Variants in SLC27A5 observed in about 807,000 individuals in gnomAD.
The protein encoded by SLC27A5 is solute carrier family 27 member 5.
In SLC27A5, 47 loss-of-function variants were observed where a neutral mutation model predicts 63.1. The ratio of observed to expected loss-of-function variants is 0.74; its 90% CI spans 0.59 to 0.95. The LOEUF is 0.95. Ranked by LOEUF, SLC27A5 falls within the 40% of genes least tolerant of loss-of-function variation. SLC27A5 has a pLI of 0.00. For missense variants in SLC27A5, 940 were observed against 921.0 expected, an observed-to-expected ratio of 1.02 and a Z score of -0.27; for synonymous variants, 391 against 403.8, an observed-to-expected ratio of 0.97 and a Z score of 0.38.
chr19:58,501,568 G>C (rs2053274524), intron 3 of SLC27A5, among the ~76,000 whole-genome samples, 158 bp from the exon 4 acceptor site: 1 of 151,990 alleles, frequency 6.6e-6, no homozygotes, highest in South Asian at 2.1e-4. Context: ...GCTCTCACTA[G>C]AAGAGCATAG....
At chr19:58,499,728 C>T in intron 6 of SLC27A5, 38 bp from the exon 7 acceptor site, 1 of 1,594,814 alleles carries the variant, frequency 6.3e-7, no homozygotes, top group Non-Finnish European at 8.5e-7. Flanking sequence ...CTGGAGCCCA[C>T]CAGCCAAGCC....
rs945388418 is a variant in SLC27A5, at chr19:58,499,539, G to C, written c.1620C>G (p.Asp540Glu). ...YYNTGDVLAM[D>E]REGFLYFRDR... ...CGCGGAAGTAGAGGAAGCCTTCGCG[G>C]TCCATGGCCAGTACGTCCCCGGTGT... Residue 540 changes from aspartate to glutamate, a missense_variant, in exon 7 of 10, where the codon GAC becomes GAG. Coordinates refer to ENST00000263093, the MANE Select transcript of SLC27A5 (RefSeq NM_012254.3). 1.2e-6 allele frequency: 2 copies of C among 1,613,056 alleles called. No individual in the cohort carries two copies. Among genetic ancestry groups the C allele is most frequent in the African/African-American group, 2.7e-5 (2 of 74,910 alleles).
At chr19:58,511,190 GC>G in intron 1 of SLC27A5, 77 bp downstream of exon 1, 1 of 1,428,512 alleles carries the variant, frequency 7.0e-7, no homozygotes, top group Non-Finnish European at 9.3e-7. Context: ...AAGGGCCTCT[GC>G]CAGTCCCAGC....
intron 1 of SLC27A5, 40 bp from the exon 2 acceptor site, chr19:58,510,970 A>C: frequency 5.5e-5 from 82 of 1,502,726 alleles, no homozygotes; most frequent in Non-Finnish European, 6.8e-5. Flanking sequence ...GGCAAGGCTC[A>C]CCTTTGAGGT....
At position 58,500,522 on chromosome 19, in the gene SLC27A5, C is replaced by A. The variant is rs539348797; in HGVS notation, c.1367G>T (p.Cys456Phe). ...TACCCGCACACTCACTCGGAGGAGGCAGCTCATCTTGCCCAGGGCCCCGCA... is the reference window on the plus strand; with the variant it reads ...TACCCGCACACTCACTCGGAGGAGGAAGCTCATCTTGCCCAGGGCCCCGCA... ...GRCGALGKMS[C>F]LLRMLSPFEL... The change falls in exon 5 of 10, where the codon TGC (cysteine) becomes TTC (phenylalanine). Residue 456 changes from cysteine (C) to phenylalanine (F), a missense_variant. Coordinates refer to ENST00000263093, the MANE Select transcript of SLC27A5 (RefSeq NM_012254.3). 6.2e-7 allele frequency: 1 copy of A among 1,614,014 alleles called. No individual in the cohort carries two copies. Among genetic ancestry groups the A allele is most frequent in the African/African-American group, 1.3e-5 (1 of 75,030 alleles).
chr19:58,511,480 A>G lies in SLC27A5; in HGVS notation c.476T>C (p.Leu159Pro). The change falls in exon 1 of 10, where the codon CTG (leucine) becomes CCG (proline). Residue 159 changes from leucine (L) to proline (P), a missense_variant. Transcript: ENST00000263093. ...DARACQAAWALKAELGDPASL... is the reference protein window; with the variant it reads ...DARACQAAWAPKAELGDPASL... ...CGCAGGGTCACCCAGCTCAGCCTTC[A>G]GGGCCCATGCCGCCTGGCAGGCCCG... 1 of 1,581,684 alleles carries G rather than the reference A, an allele frequency of 6.3e-7. No individual in the cohort carries two copies. The highest frequency in any genetic ancestry group is 8.6e-7 in the Non-Finnish European group (1 of 1,164,398).
chr19:58,500,708 T>C lies in SLC27A5; in HGVS notation c.1183-2A>G, dbSNP rs1480351120. On this transcript the variant is annotated splice_acceptor_variant, in intron 4 of 9. Transcript: ENST00000263093. LOFTEE classifies it high-confidence loss of function. ...TGTATGTGTCCGGTCCTCTGGTTGC[T>C]ACAGGAATGTCCCCAGAAGGGTGAG... 10 of 1,611,556 alleles carry C rather than the reference T, an allele frequency of 6.2e-6. No homozygotes were observed. Among genetic ancestry groups the C allele is most frequent in the Non-Finnish European group, 7.6e-6 (9 of 1,178,028 alleles).
Position 58,511,289 on chromosome 19 carries a change from G to A in SLC27A5, c.667C>T (p.Arg223Trp), listed in dbSNP as rs754421112. ...TCACCTGGGTCCACCACCAGCACCCGGGCCCCAGAGCTCAGCACAGAGTGC... is the reference window on the plus strand; with the variant it reads ...TCACCTGGGTCCACCACCAGCACCCAGGCCCCAGAGCTCAGCACAGAGTGC... ...LAHSVLSSGA[R>W]VLVVDPDLRE... The change falls in exon 1 of 10, where the codon CGG becomes TGG. Residue 223 changes from arginine (R) to tryptophan (W), a missense_variant. By Grantham distance (101) the Arg-to-Trp change is moderately radical (BLOSUM62 -3). Coordinates refer to ENST00000263093, the MANE Select transcript of SLC27A5 (RefSeq NM_012254.3). The A allele has an allele frequency of 1.0e-5, 16 of 1,550,876 alleles. No individual in the cohort carries two copies. The highest frequency in any genetic ancestry group is 3.7e-5 in the Admixed American group (2 of 53,558).
chr19:58,511,695 C>A lies in SLC27A5; in HGVS notation c.261G>T (p.Leu87=). The stretch of plus-strand genomic sequence containing the variant: ...TGGCCAAGAAGATCACATCAGCCGG[C>A]AGCCAGCGTAGTCCTGGGGGCAGCC... ...PARLPPGLRW[L]PADVIFLAKI... Residue 87 remains leucine, a synonymous_variant, in exon 1 of 10, where the codon CTG becomes CTT. Transcript: ENST00000263093. 2 of 1,568,116 alleles carry A rather than the reference C, an allele frequency of 1.3e-6. No individual in the cohort carries two copies. The highest frequency in any genetic ancestry group is 1.7e-6 in the Non-Finnish European group (2 of 1,156,240).
chr19:58,499,261 A>G lies in SLC27A5; in HGVS notation c.1668-41T>C, dbSNP rs557646367. The G allele has an allele frequency of 1.2e-4, 195 of 1,586,680 alleles. 8 individuals carry two copies. The South Asian group carries it at 2.0e-3, about 16-fold the overall frequency. ...CGGCGCTTGTGACCACGCCCCCGGG[A>G]AGGAGAGGCCCCGCCTCTTGCCCCC... On this transcript the variant is annotated intron_variant, in intron 7 of 9. Transcript: ENST00000263093.
In SLC27A5 at chr19:58,511,440, C is replaced by T; in HGVS notation, c.516G>A (p.Gly172=). The part of the protein sequence containing the change: ...ELGDPASLCA[G]EPTALLVLAS... ...CCAGCACAAGGAGGGCAGTAGGCTC[C>T]CCGGCACACAGGCTCGCAGGGTCAC... Residue 172 remains glycine, a synonymous_variant, in exon 1 of 10, where the codon GGG becomes GGA. Coordinates refer to ENST00000263093, the MANE Select transcript of SLC27A5 (RefSeq NM_012254.3). The T allele has an allele frequency of 6.2e-7, 1 of 1,602,244 alleles. No individual in the cohort carries two copies. Among genetic ancestry groups the T allele is most frequent in the Non-Finnish European group, 8.5e-7 (1 of 1,174,780 alleles).
At chr19:58,500,940 C>T in intron 4 of SLC27A5, 3 of 1,378,008 alleles carry the variant, frequency 2.2e-6, no homozygotes, top group Non-Finnish European at 2.8e-6. Flanking sequence ...GGGACGTTAC[C>T]AGAGGTGACT....
chr19:58,498,455 G>A lies in SLC27A5; in HGVS notation c.*60C>T. 1 of 1,515,458 alleles carries A rather than the reference G, an allele frequency of 6.6e-7. No homozygotes were observed. Among genetic ancestry groups the A allele is most frequent in the Non-Finnish European group, 8.9e-7 (1 of 1,117,514 alleles). 93.9% of individuals were successfully genotyped at this position (1,515,458 alleles called of 1,614,324 possible). On this transcript the variant is annotated 3_prime_UTR_variant, in exon 10 of 10. Coordinates refer to ENST00000263093, the MANE Select transcript of SLC27A5 (RefSeq NM_012254.3). ...ACAGGCCCAGGATGAAAGGGACACC[G>A]AGTGTGTTGGGGTGGGGGTGGCTGG...
In SLC27A5 at chr19:58,499,647, G is replaced by T; in HGVS notation, c.1512C>A (p.Pro504=). 1 of 1,612,154 alleles carries T rather than the reference G, an allele frequency of 6.2e-7. No individual in the cohort carries two copies. The change falls in exon 7 of 10, where the codon CCC becomes CCA. Residue 504 remains proline, a synonymous_variant. Transcript: ENST00000263093. The stretch of plus-strand genomic sequence containing the variant: ...CTCGGGGGCCGCGGTAGCCCACGAA[G>T]GGTTGCTGGCTTACCACCTTGGTCA... ...LLLTKVVSQQ[P]FVGYRGPREL...
At position 58,498,617 on chromosome 19, in the gene SLC27A5, G is replaced by C. The variant is rs753395782; in HGVS notation, c.1971C>G (p.Ile657Met). 1.2e-6 allele frequency: 2 copies of C among 1,614,132 alleles called. No individual in the cohort carries two copies. The highest frequency in any genetic ancestry group is 2.2e-5 in the South Asian group (2 of 91,078). The change falls in exon 10 of 10, where the codon ATC becomes ATG. Residue 657 changes from isoleucine (I) to methionine (M), a missense_variant. Transcript: ENST00000263093. ...CCAGTACAAACAGAGGGTCAACCACGATCCCCACATTGAAGCCCTCACGCA... is the reference window on the plus strand; with the variant it reads ...CCAGTACAAACAGAGGGTCAACCACCATCCCCACATTGAAGCCCTCACGCA... ...RLVREGFNVG[I>M]VVDPLFVLDN...
At position 58,511,327 on chromosome 19, in the gene SLC27A5, C is replaced by T. The variant is rs564739272; in HGVS notation, c.629G>A (p.Gly210Glu). ...PTAWINPHGR[G>E]MPLAHSVLSS... is the part of the protein sequence containing the mutation. Reference sequence around the variant, plus strand: ...CAGCACAGAGTGCGCCAGGGGCATCCCCCGGCCATGCGGGTTGATCCAGGC... The same window carrying T: ...CAGCACAGAGTGCGCCAGGGGCATCTCCCGGCCATGCGGGTTGATCCAGGC... Residue 210 changes from glycine (G) to glutamate (E), a missense_variant, in exon 1 of 10, where the codon GGG becomes GAG. Gly to Glu is a moderately conservative substitution (Grantham distance 98). Transcript: ENST00000263093. 2 of 1,595,332 alleles carry T rather than the reference C, an allele frequency of 1.3e-6. No individual in the cohort carries two copies. The highest frequency in any genetic ancestry group is 1.1e-5 in the South Asian group (1 of 90,064).
At position 58,500,321 on chromosome 19, in the gene SLC27A5, G is replaced by T. The variant is rs773162541; in HGVS notation, c.1468+18C>A. Reference sequence around the variant, plus strand: ...TCGCCACCCCTGCCACCCAGGAAAGGCTCCTCAACCCCCATACCTAGCCCT... The same window carrying T: ...TCGCCACCCCTGCCACCCAGGAAAGTCTCCTCAACCCCCATACCTAGCCCT... On this transcript the variant is annotated intron_variant, in intron 6 of 9. Coordinates refer to ENST00000263093, the MANE Select transcript of SLC27A5 (RefSeq NM_012254.3). 5.0e-6 allele frequency: 8 copies of T among 1,606,502 alleles called. No individual in the cohort carries two copies. Among genetic ancestry groups the T allele is most frequent in the Middle Eastern group, 1.7e-4 (1 of 6,054 alleles).
intron 3 of SLC27A5, among the ~76,000 whole-genome samples, chr19:58,503,575 A>G (rs2053308233): frequency 1.3e-5 from 2 of 152,068 alleles, no homozygotes; most frequent in Non-Finnish European, 2.9e-5. Context: ...AGGTGGAAGA[A>G]TCGCTTGAAC....
At chr19:58,502,720 T>C (rs2053292223) in intron 3 of SLC27A5, among the ~76,000 whole-genome samples, 1 of 149,292 alleles carries the variant, frequency 6.7e-6, no homozygotes, top group Non-Finnish European at 1.5e-5. Context: ...GAGTAGTGAG[T>C]GAGTAGATGG....
Sources: gnomAD v4.1 joint callset for allele counts (sites outside exome capture counted in the v4.1 genomes callset) on GRCh38, gnomAD v4.1.1 for gene constraint, MANE v1.5 for transcripts, NCBI Gene and HGNC (gene_info 2026-07-23, HGNC 2026-07-21) for gene names.